The following PGM3 variants were observed in gnomAD, a reference collection of about 807,000 sequenced individuals.
PGM3 encodes phosphoglucomutase 3, also known as phosphoacetylglucosamine mutase.
In PGM3, 40 loss-of-function variants were observed where a neutral mutation model predicts 66.2. The observed-to-expected ratio is 0.60, with a 90% CI of 0.47 to 0.79. The LOEUF is 0.79. Among genes scored for constraint, PGM3 ranks in the 30% least tolerant of loss-of-function variants. The pLI is 0.00. For synonymous variants in PGM3, 191 were observed against 224.2 expected, an observed-to-expected ratio of 0.85 and a Z score of 1.32; for missense variants, 537 against 643.4, an observed-to-expected ratio of 0.83 and a Z score of 1.79.
chr6:83,163,427 T>C (rs934774004), downstream of PGM3, among the ~76,000 whole-genome samples: 1 of 152,172 alleles, frequency 6.6e-6, no homozygotes, highest in Admixed American at 6.5e-5. Context: ...AGATTATACA[T>C]TTTAAATTTG....
chr6:83,163,642 G>T (rs1015452035), downstream of PGM3, among the ~76,000 whole-genome samples: 2 of 151,966 alleles, frequency 1.3e-5, no homozygotes. Context: ...CTATATAACC[G>T]AATCTAAAGT....
At chr6:83,180,212 T>C (rs1029749517) in intron 6 of PGM3, among the ~76,000 whole-genome samples, 4 of 152,192 alleles carry the variant, frequency 2.6e-5, no homozygotes, top group African/African-American at 9.7e-5. Flanking sequence ...AATTCCACTT[T>C]ATAAGCAGGT....
intron 2 of PGM3, 37 bp from the exon 3 acceptor site, chr6:83,188,835 A>G (rs746267372): frequency 4.5e-6 from 7 of 1,567,216 alleles, no homozygotes; most frequent in Non-Finnish European, 5.3e-6. Flanking sequence ...ATCTGTGCAT[A>G]CTCATGAGGC....
the PGM3 span, among the ~76,000 whole-genome samples, chr6:83,155,283 G>A: frequency 1.5e-4 from 22 of 147,268 alleles, no homozygotes; most frequent in African/African-American, 4.8e-4. Context: ...ACAAAATAGC[G>A]AGACCCCAGC....
At chr6:83,152,620 CTT>C in the PGM3 span, among the ~76,000 whole-genome samples, 10 of 133,854 alleles carry the variant, frequency 7.5e-5, no homozygotes, top group East Asian at 2.2e-4. Context: ...TTTTCTTTTT[CTT>C]TTTTTTTTTT....
At chr6:83,185,480 G>A (rs922538204) in intron 4 of PGM3, among the ~76,000 whole-genome samples, 2 of 152,128 alleles carry the variant, frequency 1.3e-5, no homozygotes, top group African/African-American at 4.8e-5. Context: ...ACAAATGAAT[G>A]AGGCCGGGCG....
chr6:83,151,546 T>G, the PGM3 span: 1 of 1,513,216 alleles, frequency 6.6e-7, no homozygotes, highest in Middle Eastern at 1.8e-4. Flanking sequence ...CATTAGTTTC[T>G]TTTAGCCTGA....
In PGM3 at chr6:83,165,749, C is replaced by T; in HGVS notation, c.*3485G>A. On this transcript the variant is annotated 3_prime_UTR_variant, in exon 13 of 13. Coordinates refer to ENST00000513973, the MANE Select transcript of PGM3 (RefSeq NM_015599.3). ...GCAAAACTTCATAGCCCAATTAGTT[C>T]AATTTTCGAAGCGTTGGTTGTGCAA... 1 of 238,978 alleles carries T rather than the reference C, an allele frequency of 4.2e-6. No homozygotes were observed. Among genetic ancestry groups the T allele is most frequent in the African/African-American group, 2.3e-5 (1 of 44,288 alleles). The allele number at this position is 238,978 out of a possible 1,614,324, so 14.8% of individuals were successfully genotyped here.
downstream of PGM3, chr6:83,158,555 C>T (rs1237286010): frequency 6.3e-7 from 1 of 1,586,684 alleles, no homozygotes; most frequent in Admixed American, 1.7e-5. Context: ...TTTAACATTT[C>T]ACCATTTTCA....
At chr6:83,154,263 T>C in the PGM3 span, 1 of 1,603,462 alleles carries the variant, frequency 6.2e-7, no homozygotes, top group Non-Finnish European at 8.5e-7. Flanking sequence ...GGGATGACAA[T>C]CCAAGTTCTT....
At chr6:83,175,093 C>T (rs1787659158) in intron 9 of PGM3, among the ~76,000 whole-genome samples, 1 of 152,160 alleles carries the variant, frequency 6.6e-6, no homozygotes, top group African/African-American at 2.4e-5. Context: ...TGCTCAACTA[C>T]TTGATGAAAT....
the PGM3 span, chr6:83,151,465 A>G: frequency 1.7e-6 from 1 of 601,448 alleles, no homozygotes; most frequent in African/African-American, 1.9e-5. Flanking sequence ...TAGGATATGT[A>G]TATATATTAA....
At position 83,168,360 on chromosome 6, in the gene PGM3, T is replaced by C; in HGVS notation, c.*874A>G. The C allele has an allele frequency of 7.2e-7, 1 of 1,395,628 alleles. No homozygotes were observed. The highest frequency in any genetic ancestry group is 2.7e-5 in the East Asian group (1 of 37,130). 86.5% of individuals were successfully genotyped at this position (1,395,628 alleles called of 1,614,324 possible). On this transcript the variant is annotated 3_prime_UTR_variant, in exon 13 of 13. Transcript: ENST00000513973. ...ATCAAGTTTAAATATTGTTGGCTCA[T>C]ACTGATTATGGTGCCTAAGAGAGCT...
Position 83,167,592 on chromosome 6 carries a change from T to C in PGM3, c.*1642A>G, listed in dbSNP as rs1786081285. On this transcript the variant is annotated 3_prime_UTR_variant, in exon 13 of 13. Coordinates refer to ENST00000513973, the MANE Select transcript of PGM3 (RefSeq NM_015599.3). ...ATAAAACTTTTATGTTTGACTCTAT[T>C]CCTGTTCAAAGCTATTTCTGTTAAC... The C allele has an allele frequency of 8.7e-6, 10 of 1,149,302 alleles. No individual in the cohort carries two copies. Among genetic ancestry groups the C allele is most frequent in the African/African-American group, 8.0e-5 (5 of 62,458 alleles). 71.2% of individuals were successfully genotyped at this position (1,149,302 alleles called of 1,614,324 possible). A position where few individuals can be genotyped will look rare whatever the true frequency, so the allele number is the denominator to read the frequency against.
intron 2 of PGM3, chr6:83,190,554 G>T: frequency 1.3e-5 from 6 of 458,742 alleles, no homozygotes; most frequent in Non-Finnish European, 1.9e-5. Context: ...CAATAAATTT[G>T]GAAGGACATT....
At chr6:83,174,187 G>C (rs1787573992) in intron 10 of PGM3, among the ~76,000 whole-genome samples, 187 bp downstream of exon 10, 1 of 152,138 alleles carries the variant, frequency 6.6e-6, no homozygotes, top group Non-Finnish European at 1.5e-5. Flanking sequence ...TAGGGGAAGG[G>C]AAGCATATTA....
intron 8 of PGM3, among the ~76,000 whole-genome samples, chr6:83,176,528 A>G (rs1787783266): frequency 6.6e-6 from 1 of 152,248 alleles, no homozygotes; most frequent in Admixed American, 6.5e-5. Context: ...CTATTCCAAT[A>G]AAACTTTGTT....
chr6:83,151,583 G>A, the PGM3 span: 1 of 1,582,590 alleles, frequency 6.3e-7, no homozygotes, highest in Non-Finnish European at 8.6e-7. Context: ...TTTCTCTTTG[G>A]CCCTTTTAGG....
rs1583229825 is a variant in PGM3 at position 83,167,570 on chromosome 6, A to G, written c.*1664T>C. Reference sequence around the variant, plus strand: ...TTGAGTAAATACAAAGCACAACATAAAACTTTTATGTTTGACTCTATTCCT... The same window carrying G: ...TTGAGTAAATACAAAGCACAACATAGAACTTTTATGTTTGACTCTATTCCT... On this transcript the variant is annotated 3_prime_UTR_variant, in exon 13 of 13. Coordinates refer to ENST00000513973, the MANE Select transcript of PGM3 (RefSeq NM_015599.3). 2 of 1,091,818 alleles carry G rather than the reference A, an allele frequency of 1.8e-6. No homozygotes were observed. Among genetic ancestry groups the G allele is most frequent in the Non-Finnish European group, 2.2e-6 (2 of 900,090 alleles). The allele number at this position is 1,091,818 out of a possible 1,614,324, so 67.6% of individuals were successfully genotyped here.
Sources: allele counts gnomAD v4.1 joint callset (sites outside exome capture counted in the v4.1 genomes callset), GRCh38; gene constraint gnomAD v4.1.1; transcripts MANE v1.5; gene names NCBI Gene and HGNC (gene_info 2026-07-23, HGNC 2026-07-21).